Variants in CLASP1 observed in about 807,000 individuals in gnomAD.
CLASP1 encodes the protein CLIP-associating protein 1.
Under a neutral mutation model 192.3 loss-of-function variants are expected in CLASP1, and 38 were observed. That is an observed-to-expected ratio of 0.20 (90% CI 0.15 to 0.26). The LOEUF (loss-of-function observed/expected upper bound fraction) is 0.26, where lower values mean the gene tolerates loss of function less well. Among genes scored for constraint, CLASP1 ranks in the 10% least tolerant of loss-of-function variants. The probability of loss-of-function intolerance (pLI) is 1.00; values close to 1 mark genes in which losing one functional copy is unlikely to be tolerated. For missense variants in CLASP1, 1,433 were observed against 1,932.5 expected, an observed-to-expected ratio of 0.74 and a Z score of 4.85; for synonymous variants, 691 against 712.8, an observed-to-expected ratio of 0.97 and a Z score of 0.49.
chr2:121,425,491 A>G (rs2080230150), intron 21 of CLASP1, among the ~76,000 whole-genome samples, 185 bp from the exon 22 acceptor site: 2 of 152,202 alleles, frequency 1.3e-5, no homozygotes, highest in African/African-American at 2.4e-5. Context: ...TGAATATCAT[A>G]AAAGAATATA....
In CLASP1 at chr2:121,469,874, G is replaced by A. The variant is rs769397751; in HGVS notation, c.799C>T (p.Arg267Trp). ...GTGGTTCCCATTCCAACGTTTCTCC[G>A]AGAACTTGGTGGAGCCTTGGATGAT... Residue 267 changes from arginine (R) to tryptophan (W), a missense_variant, in exon 9 of 40, where the codon CGG becomes TGG. Arg to Trp is a moderately radical substitution (Grantham distance 101, BLOSUM62 -3). Around this residue, in one of 8 missense-constraint regions of CLASP1, gnomAD observed 282 missense variants for 359.9 expected, o/e 0.78. Coordinates refer to ENST00000263710, the Ensembl canonical transcript of CLASP1. 3.1e-6 allele frequency: 5 copies of A among 1,613,738 alleles called. No individual in the cohort carries two copies. The highest frequency in any genetic ancestry group is 1.7e-5 in the Admixed American group (1 of 59,988).
At chr2:121,618,602 T>G (rs1179384149) in intron 1 of CLASP1, among the ~76,000 whole-genome samples, 1 of 152,258 alleles carries the variant, frequency 6.6e-6, no homozygotes, top group Non-Finnish European at 1.5e-5. Context: ...TTCATATGTT[T>G]TAATACTGAG....
chr2:121,623,352 T>C (rs1244011075), intron 1 of CLASP1, among the ~76,000 whole-genome samples: 1 of 152,252 alleles, frequency 6.6e-6, no homozygotes, highest in Non-Finnish European at 1.5e-5. Flanking sequence ...TTACAGACAT[T>C]AAGCCAACTT....
chr2:121,396,868 A>T (rs540700811), intron 30 of CLASP1, among the ~76,000 whole-genome samples: 1 of 152,226 alleles, frequency 6.6e-6, no homozygotes, highest in South Asian at 2.1e-4. Flanking sequence ...GAAAACAAAC[A>T]TCTGTGTAAA....
Position 121,512,266 on chromosome 2 carries a change from T to C in CLASP1, c.644+3399A>G, listed in dbSNP as rs148185107. On this transcript the variant is annotated intron_variant, in intron 7 of 39. Coordinates refer to ENST00000263710, the Ensembl canonical transcript of CLASP1. ...ACACTCTGCAAACTAAAATATGTGA[T>C]ACTGACTAAAAATATTTTCTAGAAG... 6.3e-3 allele frequency among the ~76,000 whole-genome samples: 952 copies of C among 152,300 alleles called. 12 individuals are homozygous for C. The highest frequency in any genetic ancestry group is 0.021 in the African/African-American group (883 of 41,572).
chr2:121,385,184 A>G (rs951453529), intron 32 of CLASP1, among the ~76,000 whole-genome samples: 4 of 152,256 alleles, frequency 2.6e-5, no homozygotes, highest in Admixed American at 2.6e-4. Context: ...TTCTAGTGAC[A>G]TGATAACATG....
intron 6 of CLASP1, among the ~76,000 whole-genome samples, chr2:121,517,623 G>A (rs576782711): frequency 6.6e-6 from 1 of 152,064 alleles, no homozygotes; most frequent in Non-Finnish European, 1.5e-5. Flanking sequence ...GGGAGGCCAA[G>A]GTAGGAGGAC....
At chr2:121,636,643 C>A (rs1039307960) in intron 1 of CLASP1, among the ~76,000 whole-genome samples, 1 of 151,814 alleles carries the variant, frequency 6.6e-6, no homozygotes, top group African/African-American at 2.4e-5. Context: ...CCAGCCTGGG[C>A]AACAAGAGCA....
At chr2:121,527,278 C>T (rs1038118328) in intron 5 of CLASP1, among the ~76,000 whole-genome samples, 3 of 152,204 alleles carry the variant, frequency 2.0e-5, no homozygotes, top group African/African-American at 7.2e-5. Flanking sequence ...AACTGTGACA[C>T]ATCTATACCA....
chr2:121,407,460 G>A lies in CLASP1; in HGVS notation c.2669+11C>T. On this transcript the variant is annotated intron_variant, in intron 25 of 39. Coordinates refer to ENST00000263710, the Ensembl canonical transcript of CLASP1. ...TTCAAACTTAGCTCATATTCTTGCT[G>A]TGGTCCTCACCTCAGTGTTCTTTGG... The A allele has an allele frequency of 2.5e-6, 4 of 1,613,518 alleles. No individual in the cohort carries two copies. The highest frequency in any genetic ancestry group is 3.4e-6 in the Non-Finnish European group (4 of 1,179,610).
At chr2:121,431,698 C>A (rs895143800) in intron 19 of CLASP1, among the ~76,000 whole-genome samples, 1 of 151,652 alleles carries the variant, frequency 6.6e-6, no homozygotes, top group African/African-American at 2.4e-5. Flanking sequence ...CTACTTTCCC[C>A]CAACATTTGG....
intron 21 of CLASP1, 53 bp from the exon 22 acceptor site, chr2:121,425,359 C>A: frequency 6.7e-7 from 1 of 1,489,154 alleles, no homozygotes; most frequent in Non-Finnish European, 9.1e-7. Flanking sequence ...TAGGAATGAA[C>A]TATAATACTT....
intron 2 of CLASP1, among the ~76,000 whole-genome samples, chr2:121,581,921 G>T (rs1380412351): frequency 6.6e-6 from 1 of 151,960 alleles, no homozygotes; most frequent in African/African-American, 2.4e-5. Context: ...AGTGGCTCAT[G>T]ACCGTAATCC....
chr2:121,401,819 G>C, intron 27 of CLASP1, 49 bp downstream of exon 28: 2 of 780,322 alleles, frequency 2.6e-6, no homozygotes, highest in Non-Finnish European at 4.6e-6. Context: ...TAGTACAGAA[G>C]GAAAATGTAG....
intron 8 of CLASP1, among the ~76,000 whole-genome samples, chr2:121,480,362 G>A (rs1182133064): frequency 6.6e-6 from 1 of 152,208 alleles, no homozygotes; most frequent in Non-Finnish European, 1.5e-5. Context: ...GCCCCCTGCA[G>A]GTGCAGATCA....
chr2:121,589,168 T>C (rs1246765035), intron 2 of CLASP1, among the ~76,000 whole-genome samples: 2 of 152,192 alleles, frequency 1.3e-5, no homozygotes, highest in Non-Finnish European at 2.9e-5. Context: ...ACCACCACGC[T>C]GGCCAGTGAC....
intron 2 of CLASP1, among the ~76,000 whole-genome samples, chr2:121,580,956 C>A (rs2061061158): frequency 1.3e-5 from 2 of 152,080 alleles, no homozygotes; most frequent in Non-Finnish European, 2.9e-5. Flanking sequence ...CTTTAAAAAC[C>A]ACTTAGAAAT....
chr2:121,537,323 T>C (rs1446074212), intron 2 of CLASP1, among the ~76,000 whole-genome samples: 1 of 151,334 alleles, frequency 6.6e-6, no homozygotes, highest in Admixed American at 6.6e-5. Context: ...GCCCAGGAGG[T>C]TGAGGCTGCA....
intron 7 of CLASP1, among the ~76,000 whole-genome samples, chr2:121,506,399 G>A (rs1056550213): frequency 8.6e-5 from 13 of 151,718 alleles, no homozygotes; most frequent in Non-Finnish European, 2.9e-5. Flanking sequence ...TCCCTGAGGC[G>A]ATGATCAAAA....
Sources: allele counts gnomAD v4.1 joint callset (sites outside exome capture counted in the v4.1 genomes callset), GRCh38; gene constraint gnomAD v4.1.1; regional missense constraint gnomAD v4.1.1; transcripts MANE v1.5; gene names NCBI Gene and HGNC (gene_info 2026-07-23, HGNC 2026-07-21).